The following CLEC16A variants were observed in gnomAD, a reference collection of about 807,000 sequenced individuals.
CLEC16A encodes the protein protein CLEC16A.
A neutral mutation model predicts 109.5 loss-of-function variants in CLEC16A; 51 were observed. The observed-to-expected ratio is 0.47, with a 90% CI of 0.37 to 0.59. The LOEUF is 0.59. CLEC16A is among the 20% of genes least tolerant of loss of function. The pLI is 0.00. For synonymous variants in CLEC16A, 673 were observed against 564.2 expected (o/e 1.19, Z -2.73); for missense variants, 1,339 against 1,394.0 (o/e 0.96, Z 0.63).
At chr16:11,029,443 T>C (rs929657145) in intron 13 of CLEC16A, among the ~76,000 whole-genome samples, 2 of 147,216 alleles carry the variant, frequency 1.4e-5, no homozygotes, top group African/African-American at 4.9e-5. Context: ...TTTTAACCCC[T>C]TGATCTCCCT....
chr16:11,171,474 G>A (rs2068510483), intron 23 of CLEC16A, among the ~76,000 whole-genome samples: 1 of 152,180 alleles, frequency 6.6e-6, no homozygotes, highest in Admixed American at 6.5e-5. Context: ...CCAGTGCTCT[G>A]TGGGGAGAGC....
intron 22 of CLEC16A, among the ~76,000 whole-genome samples, chr16:11,150,612 C>T (rs1428523272): frequency 6.6e-6 from 1 of 152,216 alleles, no homozygotes; most frequent in Non-Finnish European, 1.5e-5. Flanking sequence ...CTTCCCTGTA[C>T]TGTAAAATGC....
intron 1 of CLEC16A, 42 bp downstream of exon 1, chr16:10,944,839 G>C (rs45612236): frequency 8.0e-5 from 122 of 1,523,532 alleles, no homozygotes; most frequent in Admixed American, 4.3e-4. Context: ...GGGCTGGACA[G>C]GGGGACGGGG....
Position 10,969,159 on chromosome 16 carries a change from A to G in CLEC16A, c.344-2A>G. The G allele has an allele frequency of 6.2e-7, 1 of 1,605,670 alleles. No homozygotes were observed. The highest frequency in any genetic ancestry group is 8.5e-7 in the Non-Finnish European group (1 of 1,176,438). On this transcript the variant is annotated splice_acceptor_variant, in intron 3 of 23. Coordinates refer to ENST00000409790, the MANE Select transcript of CLEC16A (RefSeq NM_015226.3). LOFTEE classifies it high-confidence loss of function. ...ACCTGTTTTGTTTTTTTCTCCCTCT[A>G]GATTATTTGCTCTCAAATAACTACG...
chr16:11,171,782 TCA>T (rs1175483325), intron 23 of CLEC16A, among the ~76,000 whole-genome samples: 2 of 152,184 alleles, frequency 1.3e-5, no homozygotes, highest in Non-Finnish European at 2.9e-5. Context: ...ATACACACAG[TCA>T]CACATGCCAA....
At chr16:10,979,030 G>A (rs1022378258) in intron 8 of CLEC16A, among the ~76,000 whole-genome samples, 1 of 152,068 alleles carries the variant, frequency 6.6e-6, no homozygotes, top group African/African-American at 2.4e-5. Flanking sequence ...TGCCCCAGCT[G>A]GTACAAATGA....
In CLEC16A at chr16:11,080,728, C is replaced by T. The variant is rs529770863; in HGVS notation, c.2116+19706C>T. ...GCCTGTGCTTTGGCTTATGGCCCCTCCCTCCATTCTCAAAGCCAGCAGTGG... is the reference window on the plus strand; with the variant it reads ...GCCTGTGCTTTGGCTTATGGCCCCTTCCTCCATTCTCAAAGCCAGCAGTGG... On this transcript the variant is annotated intron_variant, in intron 19 of 23. Transcript: ENST00000409790. Among the ~76,000 whole-genome samples, 4 of 152,306 alleles carry T rather than the reference C, an allele frequency of 2.6e-5. No homozygotes were observed. The South Asian group carries it at 8.3e-4, about 32-fold the overall frequency.
intron 22 of CLEC16A, among the ~76,000 whole-genome samples, chr16:11,132,512 G>A (rs115605798): frequency 4.5e-4 from 68 of 152,238 alleles, no homozygotes; most frequent in African/African-American, 1.6e-3. Context: ...ATGGGTTGCT[G>A]CGAACATTCG....
At chr16:11,093,351 C>G (rs975724710) in intron 19 of CLEC16A, among the ~76,000 whole-genome samples, 1 of 152,154 alleles carries the variant, frequency 6.6e-6, no homozygotes, top group Non-Finnish European at 1.5e-5. Flanking sequence ...CATACTCGTC[C>G]CAGTGAGTAT....
intron 22 of CLEC16A, among the ~76,000 whole-genome samples, chr16:11,165,889 A>C (rs189835736): frequency 1.1e-4 from 16 of 152,262 alleles, no homozygotes; most frequent in Non-Finnish European, 2.1e-4. Context: ...GGGCAGAGCA[A>C]ATTCTCTGGA....
chr16:10,977,888 C>T (rs1427483405), intron 8 of CLEC16A, among the ~76,000 whole-genome samples: 1 of 152,092 alleles, frequency 6.6e-6, no homozygotes, highest in Non-Finnish European at 1.5e-5. Context: ...GAGACAGAGA[C>T]AGAGTGTGTG....
chr16:10,962,653 G>A (rs1339997327), intron 3 of CLEC16A, 65 bp downstream of exon 3: 2 of 1,568,618 alleles, frequency 1.3e-6, no homozygotes, highest in Non-Finnish European at 1.7e-6. Flanking sequence ...AGTTGGGCGT[G>A]GTTTTCTGTG....
At chr16:11,066,705 C>A (rs2048780359) in intron 19 of CLEC16A, 1 of 152,180 alleles carries the variant, frequency 6.6e-6, no homozygotes, top group African/African-American at 2.4e-5. Flanking sequence ...TCAAAAGATC[C>A]TCGCGACAGT....
intron 10 of CLEC16A, among the ~76,000 whole-genome samples, chr16:10,991,756 C>T (rs1764370685): frequency 6.6e-6 from 1 of 152,206 alleles, no homozygotes. Context: ...CGGTCTTGGC[C>T]AGTGTCAGAG....
intron 4 of CLEC16A, among the ~76,000 whole-genome samples, chr16:10,970,399 A>T (rs182609662): frequency 1.1e-3 from 160 of 152,332 alleles, no homozygotes; most frequent in African/African-American, 3.6e-3. Flanking sequence ...TGGGATAAGC[A>T]CAAGACCAGA....
chr16:11,056,261 C>T, intron 18 of CLEC16A, among the ~76,000 whole-genome samples: 1 of 152,188 alleles, frequency 6.6e-6, no homozygotes, highest in East Asian at 1.9e-4. Context: ...GCCACTCACC[C>T]TCCCGGAACC....
intron 11 of CLEC16A, among the ~76,000 whole-genome samples, chr16:11,016,638 C>T (rs2045772231): frequency 6.6e-6 from 1 of 152,204 alleles, no homozygotes; most frequent in Non-Finnish European, 1.5e-5. Flanking sequence ...GCCCAGCCCA[C>T]ATTCCAGCTC....
chr16:11,030,850 G>A (rs538060718), intron 13 of CLEC16A, among the ~76,000 whole-genome samples: 1 of 152,252 alleles, frequency 6.6e-6, no homozygotes, highest in South Asian at 2.1e-4. Context: ...TCGCCCTGTT[G>A]GCCAGGCTGG....
intron 19 of CLEC16A, among the ~76,000 whole-genome samples, chr16:11,117,713 A>G (rs1293793027): frequency 6.6e-6 from 1 of 152,142 alleles, no homozygotes; most frequent in Non-Finnish European, 1.5e-5. Context: ...ATGGGTAACC[A>G]CTGTCCACAG....
Sources: allele counts gnomAD v4.1 joint callset (sites outside exome capture counted in the v4.1 genomes callset), GRCh38; gene constraint gnomAD v4.1.1; transcripts MANE v1.5; gene names NCBI Gene and HGNC (gene_info 2026-07-23, HGNC 2026-07-21).